The following DLGAP1 variants were observed in gnomAD, a reference collection of about 807,000 sequenced individuals.
DLGAP1 encodes disks large-associated protein 1.
DLGAP1 carries 11 observed loss-of-function variants against 90.8 expected under a neutral mutation model. The ratio of observed to expected loss-of-function variants is 0.12; its 90% confidence interval spans 0.08 to 0.20. The LOEUF is 0.20. Ranked by LOEUF, DLGAP1 falls within the 10% of genes least tolerant of loss-of-function variation. The pLI is 1.00. For synonymous variants in DLGAP1, 558 were observed against 540.7 expected (o/e 1.03, Z -0.44); for missense variants, 1,050 against 1,333.8 (o/e 0.79, Z 3.31).
chr18:4,237,243 T>C (rs117504302), intron 1 of DLGAP1, among the ~76,000 whole-genome samples: 2,832 of 152,334 alleles, frequency 0.019, 35 homozygotes, highest in Non-Finnish European at 0.027. Context: ...GATCCTGCAC[T>C]GGAAACTCTA....
intron 2 of DLGAP1, among the ~76,000 whole-genome samples, chr18:4,043,971 T>A (rs942395253): frequency 2.6e-5 from 4 of 152,224 alleles, no homozygotes; most frequent in Non-Finnish European, 5.9e-5. Flanking sequence ...CAGACCAATG[T>A]CATAACTGTG....
At chr18:3,849,292 C>T (rs1335032691) in intron 4 of DLGAP1, among the ~76,000 whole-genome samples, 2 of 152,112 alleles carry the variant, frequency 1.3e-5, no homozygotes, top group East Asian at 3.9e-4. Context: ...GTGCATGGGT[C>T]ACTACACTCT....
intron 11 of DLGAP1, among the ~76,000 whole-genome samples, chr18:3,504,543 C>T (rs1230845658): frequency 6.6e-6 from 1 of 152,042 alleles, no homozygotes; most frequent in Admixed American, 6.6e-5. Flanking sequence ...TGCCACCATG[C>T]CTGGCTAATT....
chr18:3,856,703 T>C (rs973868876), intron 4 of DLGAP1, among the ~76,000 whole-genome samples: 4 of 151,862 alleles, frequency 2.6e-5, no homozygotes, highest in African/African-American at 9.7e-5. Context: ...CTACTAAAAA[T>C]ACAAAAAATT....
chr18:4,162,992 T>C (rs1424594496), intron 1 of DLGAP1, among the ~76,000 whole-genome samples: 1 of 152,196 alleles, frequency 6.6e-6, no homozygotes, highest in Non-Finnish European at 1.5e-5. Context: ...TGATGTTAAA[T>C]GCTTGAGTCT....
chr18:4,234,094 T>C (rs1259082206), intron 1 of DLGAP1, among the ~76,000 whole-genome samples: 3 of 150,206 alleles, frequency 2.0e-5, no homozygotes, highest in Non-Finnish European at 4.4e-5. Context: ...GTAAAGTTTC[T>C]TTTTTGCTAT....
intron 10 of DLGAP1, among the ~76,000 whole-genome samples, chr18:3,525,283 A>T (rs1196214634): frequency 2.0e-5 from 3 of 152,210 alleles, no homozygotes; most frequent in African/African-American, 4.8e-5. Flanking sequence ...CATATAGATA[A>T]AGACAGTTTT....
At chr18:3,570,403 C>G (rs1223069754) in intron 8 of DLGAP1, among the ~76,000 whole-genome samples, 1 of 151,684 alleles carries the variant, frequency 6.6e-6, no homozygotes, top group Non-Finnish European at 1.5e-5. Context: ...CTCAGCCTCC[C>G]AAGTAGCTGG....
chr18:3,734,660 T>C (rs1006966355), intron 6 of DLGAP1, among the ~76,000 whole-genome samples: 13 of 152,220 alleles, frequency 8.5e-5, no homozygotes, highest in Non-Finnish European at 1.8e-4. Flanking sequence ...CAAATGTGAA[T>C]AGGCACCTGT....
chr18:4,301,012 T>C (rs2080111971), intron 1 of DLGAP1, among the ~76,000 whole-genome samples: 1 of 152,194 alleles, frequency 6.6e-6, no homozygotes, highest in African/African-American at 2.4e-5. Flanking sequence ...TGACAAATTA[T>C]AGTTGTAGAT....
intron 2 of DLGAP1, among the ~76,000 whole-genome samples, chr18:4,020,830 AGTCT>A (rs2074596585): frequency 6.6e-6 from 1 of 152,194 alleles, no homozygotes; most frequent in Non-Finnish European, 1.5e-5. Context: ...TGGTTGCAAG[AGTCT>A]GAACCTCCCC....
At chr18:4,288,425 T>C (rs2079758481) in intron 1 of DLGAP1, among the ~76,000 whole-genome samples, 1 of 152,180 alleles carries the variant, frequency 6.6e-6, no homozygotes, top group Non-Finnish European at 1.5e-5. Context: ...ATTTTAGCTT[T>C]TCCTTTATGG....
intron 1 of DLGAP1, among the ~76,000 whole-genome samples, chr18:4,369,514 T>C (rs989025071): frequency 2.6e-5 from 4 of 152,144 alleles, no homozygotes; most frequent in Non-Finnish European, 2.9e-5. Context: ...GCACTGGAAT[T>C]AGGATCTCAA....
chr18:4,021,912 T>G (rs2149113649), intron 2 of DLGAP1, among the ~76,000 whole-genome samples: 1 of 152,326 alleles, frequency 6.6e-6, no homozygotes, highest in South Asian at 2.1e-4. Flanking sequence ...CAGGTATTTC[T>G]TTATAGCAAC....
At chr18:3,885,390 G>T (rs1489020470) in intron 3 of DLGAP1, 1 of 152,158 alleles carries the variant, frequency 6.6e-6, no homozygotes, top group East Asian at 1.9e-4. Flanking sequence ...ATGATATATT[G>T]TGAGAGCCAT....
intron 11 of DLGAP1, 124 bp downstream of exon 11, chr18:3,508,446 A>G (rs1405297246): frequency 6.6e-6 from 3 of 454,986 alleles, no homozygotes; most frequent in East Asian, 3.5e-5. Context: ...CTCTGTTCCA[A>G]GTGAGAGACT....
At chr18:3,848,676 T>A (rs1431678105) in intron 4 of DLGAP1, among the ~76,000 whole-genome samples, 1 of 152,172 alleles carries the variant, frequency 6.6e-6, no homozygotes, top group Non-Finnish European at 1.5e-5. Flanking sequence ...CTGGGTACTC[T>A]TTTTGGACAC....
chr18:4,035,364 AC>A (rs1241288404), intron 2 of DLGAP1, among the ~76,000 whole-genome samples: 2 of 152,148 alleles, frequency 1.3e-5, no homozygotes, highest in Non-Finnish European at 2.9e-5. Context: ...AAAAACAACA[AC>A]AAAAACAAAA....
chr18:4,115,310 A>G (rs1468218298), intron 2 of DLGAP1, among the ~76,000 whole-genome samples: 1 of 150,372 alleles, frequency 6.7e-6, no homozygotes, highest in Non-Finnish European at 1.5e-5. Flanking sequence ...CAAAAAATAC[A>G]TTGTTATAAT....
Sources: gnomAD v4.1 joint callset for allele counts (sites outside exome capture counted in the v4.1 genomes callset) on GRCh38, gnomAD v4.1.1 for gene constraint, MANE v1.5 for transcripts, NCBI Gene and HGNC (gene_info 2026-07-23, HGNC 2026-07-21) for gene names.